Variants in LGI2 observed in about 807,000 individuals in gnomAD.
LGI2 encodes leucine-rich repeat LGI family member 2.
Under a neutral mutation model 52.0 loss-of-function variants are expected in LGI2, and 30 were observed. That is an observed-to-expected ratio of 0.58 (90% confidence interval 0.43 to 0.78). LGI2 has a LOEUF of 0.78. Ranked by LOEUF, LGI2 falls within the 30% of genes least tolerant of loss-of-function variation. The pLI, the probability that LGI2 is intolerant of heterozygous loss-of-function variation, is 0.00. For missense variants in LGI2, 573 were observed against 692.5 expected (o/e 0.83, Z 1.94); for synonymous variants, 270 against 271.8 (o/e 0.99, Z 0.06).
At chr4:25,026,845 A>G in intron 3 of LGI2, 23 bp downstream of exon 3, 1 of 1,576,884 alleles carries the variant, frequency 6.3e-7, no homozygotes, top group Non-Finnish European at 8.7e-7. Context: ...ATGTTCAGCA[A>G]ATAGACAAAG....
chr4:25,014,373 T>C (rs992138615), intron 6 of LGI2, among the ~76,000 whole-genome samples: 2 of 152,298 alleles, frequency 1.3e-5, no homozygotes, highest in East Asian at 1.9e-4. Context: ...TTTCCCCATA[T>C]AGTGGTTTCA....
At chr4:25,011,636 C>T (rs181913422) in intron 7 of LGI2, among the ~76,000 whole-genome samples, 1 of 152,316 alleles carries the variant, frequency 6.6e-6, no homozygotes, top group East Asian at 1.9e-4. Context: ...AAACCCTCTC[C>T]TGGGGTGATA....
At position 25,026,922 on chromosome 4, in the gene LGI2, G is replaced by A. The variant is rs762820735; in HGVS notation, c.287C>T (p.Ser96Leu). 6.2e-6 allele frequency: 10 copies of A among 1,613,296 alleles called. No individual in the cohort carries two copies. In the Admixed American group the frequency reaches 1.5e-4, roughly 24 times the overall value. Residue 96 changes from serine (S) to leucine (L), a missense_variant, in exon 3 of 8, where the codon TCA becomes TTA. Ser to Leu is a moderately radical substitution (Grantham distance 145). Coordinates refer to ENST00000382114, the MANE Select transcript of LGI2 (RefSeq NM_018176.4). The part of the protein sequence containing the change: ...SLQLLLLNSN[S>L]FTIIRDDAFA... Reference sequence around the variant, plus strand: ...AGCATCATCCCGGATGATCGTGAATGAGTTAGAATTCAGCAATCTGAAAGT... The same window carrying A: ...AGCATCATCCCGGATGATCGTGAATAAGTTAGAATTCAGCAATCTGAAAGT...
intron 6 of LGI2, among the ~76,000 whole-genome samples, chr4:25,014,437 G>C (rs941888850): frequency 2.6e-5 from 4 of 151,382 alleles, no homozygotes; most frequent in Non-Finnish European, 4.4e-5. Context: ...TAAATCATTT[G>C]AATTATAAAT....
chr4:25,019,787 T>C (rs1273344825), intron 4 of LGI2, among the ~76,000 whole-genome samples: 1 of 152,238 alleles, frequency 6.6e-6, no homozygotes, highest in East Asian at 1.9e-4. Flanking sequence ...CTCAGGCCTC[T>C]GCACATCTCC....
rs1309647508 is a variant in LGI2, at chr4:25,030,809, G to A, written c.-116C>T. 4 of 464,060 alleles carry A rather than the reference G, an allele frequency of 8.6e-6. No homozygotes were observed. Among genetic ancestry groups the A allele is most frequent in the East Asian group, 1.4e-4 (1 of 7,018 alleles). 28.7% of individuals were successfully genotyped at this position (464,060 alleles called of 1,614,324 possible). A position where few individuals can be genotyped will look rare whatever the true frequency, so the allele number is the denominator to read the frequency against. On this transcript the variant is annotated 5_prime_UTR_variant, in exon 1 of 8. Coordinates refer to ENST00000382114, the MANE Select transcript of LGI2 (RefSeq NM_018176.4). Reference sequence around the variant, plus strand: ...CTGCTCTGCCGCCGCCGCTGCTGGCGAGGACTAGGGAGCCGCGGGTGTGGG... The same window carrying A: ...CTGCTCTGCCGCCGCCGCTGCTGGCAAGGACTAGGGAGCCGCGGGTGTGGG...
intron 7 of LGI2, among the ~76,000 whole-genome samples, chr4:25,008,790 C>T (rs760080208): frequency 3.7e-4 from 57 of 152,104 alleles, no homozygotes; most frequent in Non-Finnish European, 7.4e-5. Context: ...AAAGAGGAGC[C>T]GGGTGGGCTT....
rs3066687 is a variant in LGI2, at chr4:25,007,578, AGTGTGTGTGTGT to A, written c.821-3322_821-3311del. Among the ~76,000 whole-genome samples the A allele has an allele frequency of 1.5e-3, 207 of 142,346 alleles. 3 individuals carry two copies. Among genetic ancestry groups the A allele is most frequent in the East Asian group, 0.012 (58 of 4,882 alleles). The allele number at this position is 142,346 out of a possible 152,430, so 93.4% of individuals were successfully genotyped here. On this transcript the variant is annotated intron_variant, in intron 7 of 7. Coordinates refer to ENST00000382114, the MANE Select transcript of LGI2 (RefSeq NM_018176.4). ...TGGAGTTGTCAGTAGCAGACAGATC[AGTGTGTGTGTGT>A]GTGTGTGTGTGTGTGTGTGTGTGTG... is the stretch of plus-strand genomic sequence containing the variant.
chr4:25,012,188 A>T (rs1332429973), intron 7 of LGI2, 147 bp downstream of exon 7: 5 of 805,812 alleles, frequency 6.2e-6, no homozygotes, highest in African/African-American at 1.7e-5. Flanking sequence ...AACTGGAGAG[A>T]CCCAGAGGGA....
chr4:25,028,591 G>C lies in LGI2; in HGVS notation c.198-13C>G, dbSNP rs1726220672. 1 of 1,609,178 alleles carries C rather than the reference G, an allele frequency of 6.2e-7. No individual in the cohort carries two copies. The highest frequency in any genetic ancestry group is 1.3e-5 in the African/African-American group (1 of 74,860). Reference sequence around the variant, plus strand: ...ATTTACCAGGCTCCTACGGGCAAAAGATGAACAAAAGTAGGCCTAGGTTTC... The same window carrying C: ...ATTTACCAGGCTCCTACGGGCAAAACATGAACAAAAGTAGGCCTAGGTTTC... On this transcript the variant is annotated splice_polypyrimidine_tract_variant and intron_variant, in intron 1 of 7. Coordinates refer to ENST00000382114, the MANE Select transcript of LGI2 (RefSeq NM_018176.4).
In LGI2 at chr4:25,000,795, T is replaced by C. The variant is rs1725218531; in HGVS notation, c.*2656A>G. 3 of 152,370 alleles carry C rather than the reference T, an allele frequency of 2.0e-5. No individual in the cohort carries two copies. The South Asian group carries it at 6.2e-4, about 32-fold the overall frequency. The allele number at this position is 152,370 out of a possible 1,614,324, so 9.4% of individuals were successfully genotyped here. A position where few individuals can be genotyped will look rare whatever the true frequency, so the allele number is the denominator to read the frequency against. ...GGTCCACATATTTCTCTGCTTTGCA[T>C]TTTTGCTGTTGCTTGGTTGGTTTTT... On this transcript the variant is annotated 3_prime_UTR_variant, in exon 8 of 8. Coordinates refer to ENST00000382114, the MANE Select transcript of LGI2 (RefSeq NM_018176.4).
At chr4:25,012,937 C>G (rs1352114635) in intron 6 of LGI2, among the ~76,000 whole-genome samples, 1 of 152,162 alleles carries the variant, frequency 6.6e-6, no homozygotes, top group African/African-American at 2.4e-5. Context: ...CAGAACAGCC[C>G]CTGAAGGGAA....
intron 6 of LGI2, among the ~76,000 whole-genome samples, chr4:25,014,948 C>A (rs1387010961): frequency 6.6e-6 from 1 of 151,892 alleles, no homozygotes; most frequent in Non-Finnish European, 1.5e-5. Flanking sequence ...CTTCTCCCAC[C>A]CCCAATTAAA....
intron 3 of LGI2, among the ~76,000 whole-genome samples, chr4:25,025,805 G>A (rs77063563): frequency 1.3e-5 from 2 of 152,144 alleles, no homozygotes; most frequent in South Asian, 2.1e-4. Context: ...TGTCTTTTCA[G>A]TAATAGACTT....
Position 25,030,812 on chromosome 4 carries a change from G to A in LGI2, c.-119C>T. 2 of 467,864 alleles carry A rather than the reference G, an allele frequency of 4.3e-6. No individual in the cohort carries two copies. The highest frequency in any genetic ancestry group is 5.7e-6 in the Non-Finnish European group (2 of 353,522). The allele number at this position is 467,864 out of a possible 1,614,324, so 29.0% of individuals were successfully genotyped here. On this transcript the variant is annotated 5_prime_UTR_variant, in exon 1 of 8. Transcript: ENST00000382114. ...CTCTGCCGCCGCCGCTGCTGGCGAG[G>A]ACTAGGGAGCCGCGGGTGTGGGAGG...
downstream of LGI2, among the ~76,000 whole-genome samples, chr4:24,996,192 T>C (rs1364945925): frequency 1.3e-5 from 2 of 152,212 alleles, no homozygotes; most frequent in African/African-American, 4.8e-5. Flanking sequence ...CTGGATCACA[T>C]GGGTCATATT....
downstream of LGI2, among the ~76,000 whole-genome samples, chr4:24,996,287 A>G (rs1356983175): frequency 6.6e-6 from 1 of 152,192 alleles, no homozygotes; most frequent in Non-Finnish European, 1.5e-5. Flanking sequence ...AGATTCTTGA[A>G]CGCTTTTGTA....
At chr4:25,018,388 T>C (rs1725839322) in intron 5 of LGI2, among the ~76,000 whole-genome samples, 1 of 152,208 alleles carries the variant, frequency 6.6e-6, no homozygotes, top group Non-Finnish European at 1.5e-5. Context: ...CTGTATAATG[T>C]CCAGAGAGCT....
At chr4:25,009,935 G>A (rs575185335) in intron 7 of LGI2, among the ~76,000 whole-genome samples, 2 of 152,234 alleles carry the variant, frequency 1.3e-5, no homozygotes, top group South Asian at 2.1e-4. Flanking sequence ...CGCCTGGCCA[G>A]AGTTTTATCT....
Sources: gnomAD v4.1 joint callset for allele counts (sites outside exome capture counted in the v4.1 genomes callset) on GRCh38, gnomAD v4.1.1 for gene constraint, MANE v1.5 for transcripts, NCBI Gene and HGNC (gene_info 2026-07-23, HGNC 2026-07-21) for gene names.